Variants in VRK3 observed in about 807,000 individuals in gnomAD.
VRK3 encodes serine/threonine-protein kinase VRK3.
VRK3 carries 50 observed loss-of-function variants against 60.4 expected under a neutral mutation model. The observed-to-expected ratio is 0.83, with a 90% CI of 0.66 to 1.05. The LOEUF (loss-of-function observed/expected upper bound fraction) is 1.05, where lower values mean the gene tolerates loss of function less well. Among genes scored for constraint, VRK3 ranks in the 50% least tolerant of loss-of-function variants. The pLI is 0.00. For missense variants in VRK3, 549 were observed against 585.3 expected, an observed-to-expected ratio of 0.94 and a Z score of 0.64; for synonymous variants, 246 against 227.8, an observed-to-expected ratio of 1.08 and a Z score of -0.72.
chr19:49,988,212 G>T lies in VRK3; in HGVS notation c.1217+160C>A, dbSNP rs944382801. 1.4e-5 allele frequency: 16 copies of T among 1,152,586 alleles called. No individual in the cohort carries two copies. The South Asian group carries it at 2.0e-4, about 14-fold the overall frequency. 71.4% of individuals were successfully genotyped at this position (1,152,586 alleles called of 1,614,324 possible). A position where few individuals can be genotyped will look rare whatever the true frequency, so the allele number is the denominator to read the frequency against. ...CTCCGGAACACCTGCCTCGCCTGCT[G>T]TGTGGACACTGCAGCACATGCCTGT... On this transcript the variant is annotated intron_variant, in intron 12 of 14. Coordinates refer to ENST00000316763, the MANE Select transcript of VRK3 (RefSeq NM_016440.4).
At chr19:49,984,446 C>T (rs981283409) in intron 12 of VRK3, among the ~76,000 whole-genome samples, 3 of 152,122 alleles carry the variant, frequency 2.0e-5, no homozygotes, top group African/African-American at 7.2e-5. Flanking sequence ...CCTGTGCCTC[C>T]CCTCTGCTCC....
chr19:49,992,998 C>T, intron 9 of VRK3, 46 bp from the exon 10 acceptor site: 3 of 1,544,080 alleles, frequency 1.9e-6, no homozygotes, highest in Non-Finnish European at 2.6e-6. Flanking sequence ...GTACGACTAA[C>T]ACAGAGAGGC....
intron 4 of VRK3, among the ~76,000 whole-genome samples, 154 bp downstream of exon 4, chr19:50,009,082 G>T (rs2076951564): frequency 6.6e-6 from 1 of 152,126 alleles, no homozygotes; most frequent in Admixed American, 6.5e-5. Flanking sequence ...AGACTGGAGG[G>T]GGAGATGGGA....
chr19:50,009,461 AGG>A (rs746390464), intron 3 of VRK3, 76 bp from the exon 4 acceptor site: 75 of 1,563,232 alleles, frequency 4.8e-5, no homozygotes, highest in Non-Finnish European at 6.3e-5. Context: ...GGGAGCCCTG[AGG>A]TTATACTCAG....
At position 49,988,498 on chromosome 19, in the gene VRK3, G is replaced by T. The variant is rs775995730; in HGVS notation, c.1097-6C>A. 1.9e-6 allele frequency: 3 copies of T among 1,612,094 alleles called. No homozygotes were observed. Among genetic ancestry groups the T allele is most frequent in the Non-Finnish European group, 8.5e-7 (1 of 1,179,062 alleles). On this transcript the variant is annotated splice_region_variant and splice_polypyrimidine_tract_variant and intron_variant, in intron 11 of 14. Transcript: ENST00000316763. ...GTCGCTGCGGCGGGAGGGCCCTGGG[G>T]AAGGAGGAGTAAAGGTGGCAGCTCA...
At chr19:50,021,754 C>G (rs1204248448) in intron 1 of VRK3, among the ~76,000 whole-genome samples, 1 of 152,242 alleles carries the variant, frequency 6.6e-6, no homozygotes, top group Non-Finnish European at 1.5e-5. Flanking sequence ...GTAACCGGGA[C>G]AGGGAGTCCC....
intron 2 of VRK3, 64 bp from the exon 3 acceptor site, chr19:50,016,227 T>C (rs1248197870): frequency 1.3e-5 from 20 of 1,598,468 alleles, no homozygotes; most frequent in Admixed American, 5.1e-5. Flanking sequence ...GGAAGTATTG[T>C]TGAACTGCTC....
In VRK3 at chr19:50,006,283, C is replaced by T. The variant is rs187341261; in HGVS notation, c.547+1286G>A. On this transcript the variant is annotated intron_variant, in intron 5 of 14. Transcript: ENST00000316763. Reference sequence around the variant, plus strand: ...CGAGATCGTGCCACTGCACTCCAGCCTGGGTGACAGAGCAAGACTCTCTCT... The same window carrying T: ...CGAGATCGTGCCACTGCACTCCAGCTTGGGTGACAGAGCAAGACTCTCTCT... 2.9e-3 allele frequency among the ~76,000 whole-genome samples: 438 copies of T among 151,460 alleles called. 4 individuals are homozygous for T. The Middle Eastern group carries it at 0.037, about 13-fold the overall frequency.
At chr19:50,012,048 C>T (rs1178478897) in intron 3 of VRK3, among the ~76,000 whole-genome samples, 9 of 151,864 alleles carry the variant, frequency 5.9e-5, no homozygotes, top group African/African-American at 1.2e-4. Flanking sequence ...CTTGGCTCAC[C>T]GCAACCTCTC....
At chr19:50,018,525 CTG>C (rs772314651) in intron 2 of VRK3, among the ~76,000 whole-genome samples, 3 of 152,192 alleles carry the variant, frequency 2.0e-5, no homozygotes, top group Non-Finnish European at 4.4e-5. Flanking sequence ...CAGAAACACT[CTG>C]TGGCATAAAT....
intron 6 of VRK3, 45 bp from the exon 7 acceptor site, chr19:49,997,615 CAGA>C: frequency 6.2e-7 from 1 of 1,607,742 alleles, no homozygotes; most frequent in South Asian, 1.1e-5. Context: ...ACTGAAGTCT[CAGA>C]TAAGGGCCCC....
Position 49,979,063 on chromosome 19 carries a change from G to A in VRK3, c.*11+20C>T. On this transcript the variant is annotated intron_variant, in intron 14 of 14. Transcript: ENST00000316763. ...TGAGGGCAAGGGGTGAGAGGCTTAA[G>A]CCTCACAAGCTCTTCCCACCTGGAT... The A allele has an allele frequency of 6.3e-7, 1 of 1,578,536 alleles. No homozygotes were observed. Among genetic ancestry groups the A allele is most frequent in the Non-Finnish European group, 8.6e-7 (1 of 1,160,150 alleles).
chr19:49,989,511 A>G, intron 11 of VRK3, 128 bp downstream of exon 11: 5 of 1,308,514 alleles, frequency 3.8e-6, no homozygotes, highest in Non-Finnish European at 4.1e-6. Flanking sequence ...TGTGGTTCCA[A>G]TCCCTGTCCT....
Position 50,016,533 on chromosome 19 carries a change from A to C in VRK3, c.-1-370T>G, listed in dbSNP as rs114300445. ...CTGGAGGCCATGGCTCCCAACTGAC[A>C]TAGCAAGATGAAGGAGGGCTGCCTG... On this transcript the variant is annotated intron_variant, in intron 2 of 14. Transcript: ENST00000316763. 5.8e-3 allele frequency among the ~76,000 whole-genome samples: 878 copies of C among 152,288 alleles called. 11 individuals are homozygous for C. The highest frequency in any genetic ancestry group is 0.02 in the African/African-American group (824 of 41,544).
intron 12 of VRK3, chr19:49,986,324 A>AATTAACACACAGTACCACC (rs1250353973): frequency 6.5e-6 from 1 of 153,020 alleles, no homozygotes; most frequent in Non-Finnish European, 1.5e-5. Context: ...CATTTATACA[A>AATTAACACACAGTACCACC]ATTAACACAC....
chr19:50,005,680 T>C (rs920765041), intron 5 of VRK3, among the ~76,000 whole-genome samples: 5 of 149,782 alleles, frequency 3.3e-5, no homozygotes, highest in African/African-American at 1.3e-4. Flanking sequence ...CAGCAGAATA[T>C]CACGCAGCCA....
intron 3 of VRK3, among the ~76,000 whole-genome samples, chr19:50,014,072 G>C (rs1436618530): frequency 6.6e-6 from 1 of 152,118 alleles, no homozygotes; most frequent in African/African-American, 2.4e-5. Flanking sequence ...TTCAAGACCA[G>C]CCTGGCCAAC....
chr19:50,012,308 C>CAA (rs1276053731), intron 3 of VRK3, among the ~76,000 whole-genome samples: 1 of 152,084 alleles, frequency 6.6e-6, no homozygotes. Context: ...CAAACTTTAC[C>CAA]CACTTAGGGA....
At chr19:49,992,538 ATAT>A (rs76577344) in intron 10 of VRK3, among the ~76,000 whole-genome samples, 22 of 152,242 alleles carry the variant, frequency 1.4e-4, no homozygotes, top group African/African-American at 2.9e-4. Context: ...TCAGCAATGA[ATAT>A]TATTATCATG....
Sources: gnomAD v4.1 joint callset for allele counts (sites outside exome capture counted in the v4.1 genomes callset) on GRCh38, gnomAD v4.1.1 for gene constraint, MANE v1.5 for transcripts, NCBI Gene and HGNC (gene_info 2026-07-23, HGNC 2026-07-21) for gene names.